The following GCN1 variants were observed in gnomAD, a reference collection of about 807,000 sequenced individuals.
GCN1 encodes the protein stalled ribosome sensor GCN1.
GCN1 carries 90 observed loss-of-function variants against 288.4 expected under a neutral mutation model. The observed-to-expected ratio is 0.31, with a 90% CI of 0.26 to 0.37. GCN1 has a LOEUF of 0.37. Among genes scored for constraint, GCN1 ranks in the 10% least tolerant of loss-of-function variants. The pLI is 1.00. For missense variants in GCN1, 2,586 were observed against 3,419.9 expected (o/e 0.76, Z 6.08); for synonymous variants, 1,386 against 1,420.2 (o/e 0.98, Z 0.54).
rs377402689 is a variant in GCN1, at chr12:120,149,590, G to C, written c.4546+16C>G. 1.1e-5 allele frequency: 17 copies of C among 1,557,408 alleles called. No individual in the cohort carries two copies. The African/African-American group carries it at 1.5e-4, about 14-fold the overall frequency. ...TAACAGGAAGCTGGGAAGAGAGGCA[G>C]AGCGAGTGGTCTTACCAGCTTTGGT... On this transcript the variant is annotated intron_variant, in intron 36 of 57. Coordinates refer to ENST00000300648, the MANE Select transcript of GCN1 (RefSeq NM_006836.2).
At chr12:120,187,976 G>A (rs1878876512) in intron 2 of GCN1, among the ~76,000 whole-genome samples, 1 of 151,788 alleles carries the variant, frequency 6.6e-6, no homozygotes, top group African/African-American at 2.4e-5. Flanking sequence ...CCTTGGTTAT[G>A]GTGCAGATCA....
At chr12:120,169,412 T>C (rs1318210290) in intron 15 of GCN1, among the ~76,000 whole-genome samples, 2 of 148,522 alleles carry the variant, frequency 1.3e-5, no homozygotes, top group African/African-American at 4.9e-5. Flanking sequence ...ATATAGTATA[T>C]ATATTATATA....
chr12:120,181,457 CT>C (rs1411674472), intron 5 of GCN1, among the ~76,000 whole-genome samples: 1 of 48,386 alleles, frequency 2.1e-5, no homozygotes, highest in Non-Finnish European at 3.3e-5. Context: ...AGAGCAAGAT[CT>C]TTGTCTCAAA....
chr12:120,155,463 C>CA lies in GCN1; in HGVS notation c.3441-34dup. 6.2e-7 allele frequency: 1 copy of CA among 1,606,946 alleles called. No individual in the cohort carries two copies. Among genetic ancestry groups the CA allele is most frequent in the South Asian group, 1.1e-5 (1 of 90,976 alleles). ...AGATCCAAGGCAGGGGCTGCTTAGACAAAGATCTGCAGCACTTGCCCTGCC... is the reference window on the plus strand; with the variant it reads ...AGATCCAAGGCAGGGGCTGCTTAGACAAAAGATCTGCAGCACTTGCCCTGCC... On this transcript the variant is annotated intron_variant, in intron 29 of 57. Transcript: ENST00000300648. This position sits in a 1 kb window ranked among gnomAD's most constrained non-coding sequence, Gnocchi z 4.9.
chr12:120,179,114 C>T (rs1878570060), intron 5 of GCN1, among the ~76,000 whole-genome samples, 164 bp from the exon 6 acceptor site: 1 of 152,232 alleles, frequency 6.6e-6, no homozygotes, highest in African/African-American at 2.4e-5. Flanking sequence ...CTCCACCCCA[C>T]ACATTTAGTT....
At chr12:120,181,329 C>T (rs1878650701) in intron 5 of GCN1, among the ~76,000 whole-genome samples, 1 of 151,080 alleles carries the variant, frequency 6.6e-6, no homozygotes, top group African/African-American at 2.4e-5. Context: ...GCCAGGCATA[C>T]ACCAGCATGC....
chr12:120,159,971 T>G lies in GCN1; in HGVS notation c.2603A>C (p.Lys868Thr). The G allele has an allele frequency of 6.2e-7, 1 of 1,614,200 alleles. No individual in the cohort carries two copies. Among genetic ancestry groups the G allele is most frequent in the Non-Finnish European group, 8.5e-7 (1 of 1,180,030 alleles). Residue 868 changes from lysine to threonine, a missense_variant, in exon 24 of 58, where the codon AAG becomes ACG. By Grantham distance (78) the Lys-to-Thr change is moderately conservative. This residue lies in a region of GCN1 where 913 missense variants were observed against 1,107.0 expected (regional missense o/e 0.82). Coordinates refer to ENST00000300648, the MANE Select transcript of GCN1 (RefSeq NM_006836.2). Reference protein sequence around the residue: ...ALGLLDIILAKNPSGLTQYIP... With the variant: ...ALGLLDIILATNPSGLTQYIP... Reference sequence around the variant, plus strand: ...GTACTGGGTCAGGCCGGACGGGTTCTTGGCCAGGATGATGTCCAGCAGTCC... The same window carrying G: ...GTACTGGGTCAGGCCGGACGGGTTCGTGGCCAGGATGATGTCCAGCAGTCC...
Position 120,157,968 on chromosome 12 carries a change from T to C in GCN1, c.2968A>G (p.Thr990Ala), listed in dbSNP as rs1467014996. ...LVFPFLKMVL[T>A]EMPHHSEEEE... ...TCCTCACTGTGGTGGGGCATCTCCG[T>C]CAGCACCATCTTCAGAAACGGGAAG... The change falls in exon 26 of 58, where the codon ACG becomes GCG. Residue 990 changes from threonine to alanine, a missense_variant. Transcript: ENST00000300648. The C allele has an allele frequency of 6.2e-7, 1 of 1,613,962 alleles. No individual in the cohort carries two copies. The highest frequency in any genetic ancestry group is 8.5e-7 in the Non-Finnish European group (1 of 1,180,004).
intron 7 of GCN1, 53 bp downstream of exon 7, chr12:120,178,572 C>G: frequency 6.3e-7 from 1 of 1,597,820 alleles, no homozygotes; most frequent in African/African-American, 1.3e-5. Flanking sequence ...CTCCAGCGAG[C>G]TCCCAACATC....
Position 120,131,195 on chromosome 12 carries a change from G to C in GCN1, c.7553C>G (p.Thr2518Arg), listed in dbSNP as rs763602446. 1 of 1,613,962 alleles carries C rather than the reference G, an allele frequency of 6.2e-7. No homozygotes were observed. Among genetic ancestry groups the C allele is most frequent in the Admixed American group, 1.7e-5 (1 of 60,014 alleles). ...DVQEMILSSA[T>R]ADRIPIAVSG... ...GCCCGAATGCCTTACCCTGTCCGCC[G>C]TGGCACTGCTCAGGATCATTTCCTG... Residue 2518 changes from threonine to arginine, a missense_variant, in exon 55 of 58, where the codon ACG (threonine) becomes AGG (arginine). By Grantham distance (71) the Thr-to-Arg change is moderately conservative. Coordinates refer to ENST00000300648, the MANE Select transcript of GCN1 (RefSeq NM_006836.2).
intron 33 of GCN1, among the ~76,000 whole-genome samples, chr12:120,152,477 AAAAG>A (rs1197688505): frequency 7.4e-6 from 1 of 135,788 alleles, no homozygotes; most frequent in Non-Finnish European, 1.5e-5. Context: ...AAAACAAAGA[AAAAG>A]AAATTTATTT....
At chr12:120,168,411 A>T in intron 15 of GCN1, 111 bp from the exon 16 acceptor site, 1 of 729,882 alleles carries the variant, frequency 1.4e-6, no homozygotes, top group Non-Finnish European at 2.5e-6. Context: ...CCTCCTCTGC[A>T]GCAGGAGGCT....
intron 14 of GCN1, among the ~76,000 whole-genome samples, chr12:120,173,126 C>T (rs1384101994): frequency 1.4e-5 from 2 of 147,442 alleles, no homozygotes; most frequent in Non-Finnish European, 3.0e-5. Context: ...ATGGCGCAAT[C>T]TCGGCTCACT....
chr12:120,149,345 G>T (rs769538525), intron 36 of GCN1, among the ~76,000 whole-genome samples: 2 of 152,008 alleles, frequency 1.3e-5, no homozygotes, highest in Non-Finnish European at 2.9e-5. Flanking sequence ...AACATAGCGA[G>T]ACTCCATCAT....
At chr12:120,136,393 G>T (rs1877004415) in intron 51 of GCN1, 109 bp downstream of exon 51, 3 of 796,660 alleles carry the variant, frequency 3.8e-6, no homozygotes, top group Non-Finnish European at 6.2e-6. Flanking sequence ...CCTCTGCTAT[G>T]CGGCTCTCCA....
intron 14 of GCN1, among the ~76,000 whole-genome samples, 153 bp downstream of exon 14, chr12:120,173,500 T>C (rs1319685168): frequency 6.6e-6 from 1 of 152,266 alleles, no homozygotes; most frequent in Admixed American, 6.5e-5. Context: ...ATTCGGATTT[T>C]GGGCTAAGCC....
chr12:120,163,359 C>G (rs1336859514), intron 18 of GCN1, 100 bp from the exon 19 acceptor site: 1 of 927,550 alleles, frequency 1.1e-6, no homozygotes, highest in African/African-American at 1.6e-5. Context: ...TCACTCAGTT[C>G]TTCCCTGGGG....
intron 36 of GCN1, among the ~76,000 whole-genome samples, chr12:120,148,854 C>T (rs1354785945): frequency 6.6e-6 from 1 of 152,132 alleles, no homozygotes; most frequent in Non-Finnish European, 1.5e-5. Flanking sequence ...GGGTCTCACG[C>T]TGCTGCCCAG....
chr12:120,181,241 G>A (rs1034518891), intron 5 of GCN1, among the ~76,000 whole-genome samples: 32 of 151,964 alleles, frequency 2.1e-4, no homozygotes, highest in African/African-American at 7.2e-4. Context: ...CGCAGCAGGT[G>A]GTTCCCTTGA....
Sources: gnomAD v4.1 joint callset for allele counts (sites outside exome capture counted in the v4.1 genomes callset) on GRCh38, gnomAD v4.1.1 for gene constraint, gnomAD v4.1.1 regional missense constraint, Gnocchi (gnomAD v3.1) non-coding constraint, MANE v1.5 for transcripts, NCBI Gene and HGNC (gene_info 2026-07-23, HGNC 2026-07-21) for gene names.